Variants in TAF1 observed in about 807,000 individuals in gnomAD.
The protein encoded by TAF1 is TATA-box binding protein associated factor 1.
In TAF1, 2 loss-of-function variants were observed where a neutral mutation model predicts 138.5. That is an observed-to-expected ratio of 0.01 (90% CI 0.01 to 0.05). TAF1 has a LOEUF of 0.05. Among genes scored for constraint, TAF1 ranks in the 10% least tolerant of loss-of-function variants. The pLI, the probability that TAF1 is intolerant of heterozygous loss-of-function variation, is 1.00. For synonymous variants in TAF1, 437 were observed against 503.2 expected (o/e 0.87, Z 1.76); for missense variants, 709 against 1,478.0 (o/e 0.48, Z 8.53).
At chrX:71,434,978 C>T (rs2037068702) in intron 32 of TAF1, among the ~76,000 whole-genome samples, 2 of 112,635 alleles carry the variant, frequency 1.8e-5, no homozygotes. Context: ...GTGGCTATAT[C>T]ACCCTAAATG....
At chrX:71,519,656 TA>T (rs752423306) in intron 13 of TAF1, among the ~76,000 whole-genome samples, 7,710 of 109,108 alleles carry the variant, frequency 0.071, 510 homozygotes, top group African/African-American at 0.21. Context: ...AAAATAAAAA[TA>T]AAAAAAATAA....
chrX:71,470,749 T>G (rs2038868014), downstream of TAF1, among the ~76,000 whole-genome samples: 1 of 107,656 alleles, frequency 9.3e-6, no homozygotes, highest in South Asian at 4.3e-4. Flanking sequence ...CCCAGCACTT[T>G]GGGAGGCTGA....
At position 71,458,422 on chromosome X, in the gene TAF1, G is replaced by A. The variant is rs3765221; in HGVS notation, c.5064+56G>A. The A allele has an allele frequency of 3.6e-3, 4,163 of 1,172,357 alleles. 105 individuals are homozygous for A. In the East Asian group the frequency reaches 0.082, roughly 23 times the overall value. On this transcript the variant is annotated intron_variant, in intron 35 of 37. Coordinates refer to ENST00000423759, the MANE Select transcript of TAF1 (RefSeq NM_004606.5). ...GTTATTGTGCCTGCAAGTGGGGCTA[G>A]GGGAATGGTGATGGTGATGGTGATA...
chrX:71,374,530 T>C (rs1196645964), intron 3 of TAF1, among the ~76,000 whole-genome samples: 1 of 111,487 alleles, frequency 9.0e-6, no homozygotes, highest in Non-Finnish European at 1.9e-5. Context: ...CATCAAAGCC[T>C]TGACCTCCTG....
intron 32 of TAF1, among the ~76,000 whole-genome samples, chrX:71,430,261 G>T (rs966047992): frequency 4.6e-5 from 5 of 109,395 alleles, no homozygotes; most frequent in African/African-American, 1.7e-4. Context: ...AGCACCTGTA[G>T]TCCCAGCTAC....
chrX:71,429,004 G>C (rs567020953), intron 32 of TAF1, among the ~76,000 whole-genome samples: 1 of 111,647 alleles, frequency 9.0e-6, no homozygotes, highest in Non-Finnish European at 1.9e-5. Context: ...GGCCGGGCGC[G>C]GTGGCTCACG....
chrX:71,460,371 G>T (rs189708903), intron 36 of TAF1, among the ~76,000 whole-genome samples: 1 of 112,922 alleles, frequency 8.9e-6, no homozygotes, highest in African/African-American at 3.2e-5. Context: ...AAAAGTATGG[G>T]AGTAGATGGT....
At chrX:71,406,959 A>G (rs1439295740) in intron 26 of TAF1, among the ~76,000 whole-genome samples, 2 of 102,680 alleles carry the variant, frequency 1.9e-5, no homozygotes, top group Non-Finnish European at 3.9e-5. Context: ...TCTGTCGCCC[A>G]GGCTGAAGTG....
At chrX:71,428,178 G>C (rs977734493) in intron 32 of TAF1, among the ~76,000 whole-genome samples, 10 of 107,251 alleles carry the variant, frequency 9.3e-5, no homozygotes, top group Admixed American at 2.0e-4. Flanking sequence ...ACCGTGCCTG[G>C]CTAATTTTTG....
intron 8 of TAF1, 90 bp downstream of exon 8, chrX:71,379,121 T>TTTG: frequency 1.0e-6 from 1 of 963,147 alleles, no homozygotes; most frequent in East Asian, 3.2e-5. Flanking sequence ...TTTTTTTTTT[T>TTTG]TTTTTTTCGG....
At chrX:71,408,297 T>A in intron 28 of TAF1, 146 bp downstream of exon 28, 1 of 700,379 alleles carries the variant, frequency 1.4e-6, no homozygotes, top group Non-Finnish European at 2.0e-6. Context: ...TAATGTACAT[T>A]TTCAGTCATT....
chrX:71,491,440 C>CT (rs1374892781), intron 13 of TAF1, among the ~76,000 whole-genome samples: 1 of 110,876 alleles, frequency 9.0e-6, no homozygotes, highest in Non-Finnish European at 1.9e-5. Context: ...GACATTAGTT[C>CT]TGACCTCTTT....
rs372500901 is a variant in TAF1, at chrX:71,459,534, C to A, written c.5065-18C>A. On this transcript the variant is annotated intron_variant, in intron 35 of 37. Coordinates refer to ENST00000423759, the MANE Select transcript of TAF1 (RefSeq NM_004606.5). ...TGGTCAGTTGATAGGACTTTGACCC[C>A]CAACTGGTCTCATTCAGGAAGGTGA... 34 of 1,206,562 alleles carry A rather than the reference C, an allele frequency of 2.8e-5. No homozygotes were observed. In the African/African-American group the frequency reaches 5.8e-4, roughly 21 times the overall value.
chrX:71,434,554 A>G (rs778636875), intron 32 of TAF1, among the ~76,000 whole-genome samples: 4 of 112,030 alleles, frequency 3.6e-5, no homozygotes, highest in African/African-American at 6.5e-5. Context: ...GATTAGGGTC[A>G]TTAGGCAAAA....
downstream of TAF1, among the ~76,000 whole-genome samples, chrX:71,470,856 TAAATA>T (rs1458231544): frequency 9.4e-6 from 1 of 105,851 alleles, no homozygotes; most frequent in African/African-American, 3.4e-5. Flanking sequence ...TAAAATAAAA[TAAATA>T]AAATAGAATA....
Position 71,424,171 on chromosome X carries a change from G to A in TAF1, c.4686G>A (p.Lys1562=), listed in dbSNP as rs1253883993. 1 of 1,209,259 alleles carries A rather than the reference G, an allele frequency of 8.3e-7. No individual in the cohort carries two copies. The highest frequency in any genetic ancestry group is 1.7e-5 in the African/African-American group (1 of 57,182). The change falls in exon 32 of 38, where the codon AAG becomes AAA. Residue 1562 remains lysine (K), a synonymous_variant. Coordinates refer to ENST00000423759, the MANE Select transcript of TAF1 (RefSeq NM_004606.5). The part of the protein sequence containing the change: ...ETIRKNISKH[K]YQSRESFLDD... ...CATCACAGAACATCTCCAAGCACAA[G>A]TATCAGAGTCGGGAGAGCTTTCTGG...
chrX:71,514,008 C>G (rs1056399505), intron 13 of TAF1, among the ~76,000 whole-genome samples: 1 of 111,671 alleles, frequency 9.0e-6, no homozygotes, highest in Non-Finnish European at 1.9e-5. Flanking sequence ...AGCAGCAACC[C>G]GCTCAGGTCC....
chrX:71,453,387 C>T (rs1315513864), intron 32 of TAF1, among the ~76,000 whole-genome samples: 1 of 59,951 alleles, frequency 1.7e-5, no homozygotes, highest in Admixed American at 2.1e-4. Context: ...AGTGAGACCC[C>T]CCCCCCACCC....
At chrX:71,504,621 T>C (rs762293046) in intron 13 of TAF1, among the ~76,000 whole-genome samples, 164 of 105,563 alleles carry the variant, frequency 1.6e-3, no homozygotes, top group African/African-American at 5.5e-3. Context: ...ATGCCTGCAG[T>C]CCCAACTACT....
Sources: allele counts gnomAD v4.1 joint callset (sites outside exome capture counted in the v4.1 genomes callset), GRCh38; gene constraint gnomAD v4.1.1; transcripts MANE v1.5; gene names NCBI Gene and HGNC (gene_info 2026-07-23, HGNC 2026-07-21).